Variants in PTPRG observed in about 807,000 individuals in gnomAD.
PTPRG encodes receptor-type tyrosine-protein phosphatase gamma.
PTPRG carries 102 observed loss-of-function variants against 165.3 expected under a neutral mutation model. The observed-to-expected ratio is 0.62, with a 90% CI of 0.53 to 0.73. The LOEUF (loss-of-function observed/expected upper bound fraction) is 0.73. Ranked by LOEUF, PTPRG falls within the 30% of genes least tolerant of loss-of-function variation. The probability of loss-of-function intolerance (pLI) is 0.00; values close to 1 mark genes in which losing one functional copy is unlikely to be tolerated. For missense variants in PTPRG, 1,866 were observed against 1,861.4 expected, an observed-to-expected ratio of 1.00 and a Z score of -0.05; for synonymous variants, 675 against 669.5, an observed-to-expected ratio of 1.01 and a Z score of -0.13.
chr3:62,099,453 GA>G (rs1342782507), intron 5 of PTPRG, among the ~76,000 whole-genome samples: 1 of 151,034 alleles, frequency 6.6e-6, no homozygotes, highest in African/African-American at 2.5e-5. Flanking sequence ...AAATTGTTAG[GA>G]AAAAAACACA....
chr3:62,121,075 G>T (rs1265263567), intron 5 of PTPRG, among the ~76,000 whole-genome samples: 3 of 150,806 alleles, frequency 2.0e-5, no homozygotes, highest in Non-Finnish European at 4.4e-5. Flanking sequence ...CTCCCGAGTA[G>T]CTGGGACTAC....
At chr3:62,225,060 C>T (rs1700729691) in intron 13 of PTPRG, among the ~76,000 whole-genome samples, 1 of 152,160 alleles carries the variant, frequency 6.6e-6, no homozygotes, top group South Asian at 2.1e-4. Flanking sequence ...GCAATCCATA[C>T]AAGCATGCAG....
At chr3:62,197,939 A>G (rs929451201) in intron 10 of PTPRG, among the ~76,000 whole-genome samples, 1 of 152,148 alleles carries the variant, frequency 6.6e-6, no homozygotes, top group Non-Finnish European at 1.5e-5. Context: ...ATATATTGGC[A>G]TTTATCCCTC....
chr3:61,775,281 G>A (rs1443089202), intron 2 of PTPRG, among the ~76,000 whole-genome samples: 1 of 152,140 alleles, frequency 6.6e-6, no homozygotes, highest in Non-Finnish European at 1.5e-5. Flanking sequence ...ATGGTGGCCA[G>A]GCTGGTCTCG....
chr3:61,747,118 G>C (rs1177946291), intron 1 of PTPRG, among the ~76,000 whole-genome samples: 1 of 59,918 alleles, frequency 1.7e-5, no homozygotes. Context: ...GCAAGACCCT[G>C]TTTCAAAAAA....
chr3:61,844,344 C>T (rs541485241), intron 2 of PTPRG, among the ~76,000 whole-genome samples: 1 of 152,290 alleles, frequency 6.6e-6, no homozygotes, highest in South Asian at 2.1e-4. Flanking sequence ...AGATAAAATA[C>T]AGGATGCCCA....
intron 2 of PTPRG, among the ~76,000 whole-genome samples, chr3:61,921,544 A>G (rs897012707): frequency 1.1e-4 from 16 of 152,174 alleles, no homozygotes; most frequent in Non-Finnish European, 2.4e-4. Flanking sequence ...GACGAGTTGC[A>G]TTCAAAATAC....
chr3:61,989,282 CT>C (rs1217143581), intron 2 of PTPRG, among the ~76,000 whole-genome samples: 18 of 152,062 alleles, frequency 1.2e-4, no homozygotes, highest in Non-Finnish European at 2.1e-4. Flanking sequence ...GATCAAGGTG[CT>C]TTTTTTGTGA....
chr3:61,697,921 C>T (rs896843685), intron 1 of PTPRG, among the ~76,000 whole-genome samples: 4 of 152,132 alleles, frequency 2.6e-5, no homozygotes, highest in African/African-American at 4.8e-5. Context: ...CTTTTTATCC[C>T]TACAACACCA....
chr3:61,985,010 G>C (rs1229301951), intron 2 of PTPRG, among the ~76,000 whole-genome samples: 1 of 152,218 alleles, frequency 6.6e-6, no homozygotes, highest in Non-Finnish European at 1.5e-5. Flanking sequence ...CTTCCTGTCA[G>C]ATGTCCAAGA....
chr3:61,808,946 A>G (rs1229977768), intron 2 of PTPRG, among the ~76,000 whole-genome samples: 3 of 148,948 alleles, frequency 2.0e-5, no homozygotes, highest in Non-Finnish European at 3.0e-5. Flanking sequence ...AATTATTTCT[A>G]CTGAACCTGT....
intron 4 of PTPRG, among the ~76,000 whole-genome samples, chr3:62,052,165 T>C (rs1345221505): frequency 6.6e-6 from 1 of 152,254 alleles, no homozygotes; most frequent in Non-Finnish European, 1.5e-5. Context: ...CTGCAATATA[T>C]TTTGTGAATT....
intron 4 of PTPRG, among the ~76,000 whole-genome samples, chr3:62,015,519 T>C (rs944521349): frequency 6.6e-6 from 1 of 152,216 alleles, no homozygotes; most frequent in Non-Finnish European, 1.5e-5. Context: ...AAAAAATTTT[T>C]TTTTACAACC....
chr3:61,620,753 C>T (rs1437160414), intron 1 of PTPRG, among the ~76,000 whole-genome samples: 3 of 151,900 alleles, frequency 2.0e-5, no homozygotes, highest in Admixed American at 6.6e-5. Flanking sequence ...CTCAGCCTCC[C>T]GAGTAGCTAG....
chr3:62,203,087 G>A lies in PTPRG; in HGVS notation c.1378-86G>A. ...AAATCCTCAGAGGGTGACAACCAGGGCCTCATTCCCAATCTCAATTACTGA... is the reference window on the plus strand; with the variant it reads ...AAATCCTCAGAGGGTGACAACCAGGACCTCATTCCCAATCTCAATTACTGA... On this transcript the variant is annotated intron_variant, in intron 11 of 29. Transcript: ENST00000474889. This position sits in a 1 kb window ranked among gnomAD's most constrained non-coding sequence, Gnocchi z 6.4. 3 of 1,512,386 alleles carry A rather than the reference G, an allele frequency of 2.0e-6. No individual in the cohort carries two copies. The highest frequency in any genetic ancestry group is 2.3e-5 in the East Asian group (1 of 43,848). The allele number at this position is 1,512,386 out of a possible 1,614,324, so 93.7% of individuals were successfully genotyped here.
At chr3:62,125,279 G>T (rs765825609) in intron 5 of PTPRG, among the ~76,000 whole-genome samples, 1 of 152,090 alleles carries the variant, frequency 6.6e-6, no homozygotes, top group Non-Finnish European at 1.5e-5. Context: ...GATCAACCTG[G>T]CAACCTGTTT....
At chr3:61,576,628 CTG>C (rs1700178138) in intron 1 of PTPRG, among the ~76,000 whole-genome samples, 2 of 152,278 alleles carry the variant, frequency 1.3e-5, no homozygotes, top group East Asian at 3.9e-4. Context: ...TGTGCCATCT[CTG>C]TGCCTATAAT....
chr3:62,211,390 T>C (rs1411077186), intron 12 of PTPRG, among the ~76,000 whole-genome samples: 1 of 152,194 alleles, frequency 6.6e-6, no homozygotes, highest in East Asian at 1.9e-4. Flanking sequence ...AGTTTCTGTT[T>C]TGCAAGATGA....
intron 1 of PTPRG, among the ~76,000 whole-genome samples, chr3:61,612,068 G>A (rs1268092494): frequency 1.3e-5 from 2 of 151,974 alleles, no homozygotes; most frequent in East Asian, 3.9e-4. Context: ...TCAGCCTCCC[G>A]AGTGGCTGGG....
Sources: allele counts gnomAD v4.1 joint callset (sites outside exome capture counted in the v4.1 genomes callset), GRCh38; gene constraint gnomAD v4.1.1; non-coding constraint Gnocchi (gnomAD v3.1); transcripts MANE v1.5; gene names NCBI Gene and HGNC (gene_info 2026-07-23, HGNC 2026-07-21).